STOML3: variants seen among roughly 807,000 people sequenced by gnomAD.
STOML3 encodes stomatin like 3.
A neutral mutation model predicts 29.5 loss-of-function variants in STOML3; 31 were observed. The observed-to-expected ratio is 1.05, with a 90% CI of 0.79 to 1.42. The LOEUF (loss-of-function observed/expected upper bound fraction) is 1.42, where lower values mean the gene tolerates loss of function less well. Among genes scored for constraint, STOML3 ranks in the 40% most tolerant of loss-of-function variants. The pLI is 0.00. For missense variants in STOML3, 380 were observed against 363.0 expected (o/e 1.05, Z -0.38); for synonymous variants, 122 against 139.8 (o/e 0.87, Z 0.90).
At chr13:38,972,007 C>T (rs1421791074) in intron 4 of STOML3, among the ~76,000 whole-genome samples, 1 of 152,178 alleles carries the variant, frequency 6.6e-6, no homozygotes, top group Non-Finnish European at 1.5e-5. Flanking sequence ...CTCCTCTGTC[C>T]TTATGCCTGC....
At chr13:38,987,401 G>C (rs1868624222) in intron 1 of STOML3, among the ~76,000 whole-genome samples, 1 of 152,016 alleles carries the variant, frequency 6.6e-6, no homozygotes, top group South Asian at 2.1e-4. Flanking sequence ...GCGCATGCCT[G>C]TAGTCCCAGC....
In STOML3 at chr13:38,976,786, T is replaced by C. The variant is rs770065486; in HGVS notation, c.64A>G (p.Lys22Glu). The change falls in exon 2 of 7, where the codon AAA (lysine) becomes GAA (glutamate). Residue 22 changes from lysine to glutamate, a missense_variant. Coordinates refer to ENST00000379631, the MANE Select transcript of STOML3 (RefSeq NM_145286.3). ...ATCCAGCCACATACACCAAGCCGTTTATTGTTGACACCTAGGAAATGAGAA... is the reference window on the plus strand; with the variant it reads ...ATCCAGCCACATACACCAAGCCGTTCATTGTTGACACCTAGGAAATGAGAA... ...DKENFVGVNN[K>E]RLGVCGWILF... 1 of 1,613,592 alleles carries C rather than the reference T, an allele frequency of 6.2e-7. No individual in the cohort carries two copies. Among genetic ancestry groups the C allele is most frequent in the South Asian group, 1.1e-5 (1 of 90,966 alleles).
At chr13:38,988,161 A>T (rs1299520289) in intron 1 of STOML3, among the ~76,000 whole-genome samples, 1 of 96,096 alleles carries the variant, frequency 1.0e-5, no homozygotes, top group Non-Finnish European at 1.8e-5. Flanking sequence ...CATATATTTT[A>T]TATATAATAT....
intron 3 of STOML3, among the ~76,000 whole-genome samples, chr13:38,973,963 A>G (rs537283654): frequency 6.6e-6 from 1 of 152,260 alleles, no homozygotes; most frequent in East Asian, 1.9e-4. Context: ...CATTCCTCTA[A>G]ATCAATGTAT....
chr13:38,988,604 TATCA>T, intron 1 of STOML3, among the ~76,000 whole-genome samples: 1 of 131,936 alleles, frequency 7.6e-6, no homozygotes, highest in Admixed American at 8.8e-5. Flanking sequence ...ATATATTATA[TATCA>T]TATATTTTAT....
chr13:38,969,127 T>C (rs1880770413), intron 5 of STOML3, among the ~76,000 whole-genome samples: 1 of 152,204 alleles, frequency 6.6e-6, no homozygotes, highest in Non-Finnish European at 1.5e-5. Context: ...TCTCGCTCTG[T>C]TTAACTTCTG....
chr13:38,988,594 A>ATATAT (rs1368943345), intron 1 of STOML3, among the ~76,000 whole-genome samples: 1 of 100,756 alleles, frequency 9.9e-6, no homozygotes, highest in Admixed American at 1.2e-4. Flanking sequence ...TTTATATATA[A>ATATAT]TATATTATAT....
In STOML3 at chr13:38,990,761, G is replaced by C. The variant is rs1036915174; in HGVS notation, c.-40C>G. 1.2e-6 allele frequency: 2 copies of C among 1,604,306 alleles called. No homozygotes were observed. Among genetic ancestry groups the C allele is most frequent in the Non-Finnish European group, 8.5e-7 (1 of 1,171,856 alleles). On this transcript the variant is annotated 5_prime_UTR_variant, in exon 1 of 7. Transcript: ENST00000379631. ...GCTTTTATACTTGGCAATTTTTCAT[G>C]GGTTTGGAGCTAAGTGTGAAGAACA...
chr13:38,975,462 C>T (rs553619028), intron 3 of STOML3, among the ~76,000 whole-genome samples: 16 of 152,128 alleles, frequency 1.1e-4, no homozygotes, highest in Admixed American at 3.9e-4. Flanking sequence ...CATAGAGCAT[C>T]GTGGTGCTCA....
At chr13:38,968,379 T>C (rs773970928) in intron 6 of STOML3, 21 bp downstream of exon 6, 5 of 1,613,512 alleles carry the variant, frequency 3.1e-6, no homozygotes, top group Middle Eastern at 1.6e-4. Flanking sequence ...TCCCTCCATG[T>C]GTGAACTGCA....
intron 3 of STOML3, among the ~76,000 whole-genome samples, chr13:38,973,090 C>A: frequency 9.1e-6 from 1 of 110,422 alleles, no homozygotes. Context: ...GAAGCCCCGT[C>A]TCTACTAAAA....
At chr13:38,981,592 TATC>T (rs1555282081) in intron 1 of STOML3, among the ~76,000 whole-genome samples, 1 of 152,162 alleles carries the variant, frequency 6.6e-6, no homozygotes, top group Non-Finnish European at 1.5e-5. Flanking sequence ...AAATCTGTGT[TATC>T]ATAAATAGTC....
chr13:38,988,257 TTATATCATATATTA>T (rs1272772103), intron 1 of STOML3, among the ~76,000 whole-genome samples: 3 of 87,366 alleles, frequency 3.4e-5, no homozygotes, highest in African/African-American at 1.1e-4. Flanking sequence ...ATATTATATT[TTATATCATATATTA>T]TATATAAAAT....
intron 3 of STOML3, among the ~76,000 whole-genome samples, chr13:38,974,490 C>A (rs527777068): frequency 2.0e-5 from 3 of 152,102 alleles, no homozygotes; most frequent in Non-Finnish European, 4.4e-5. Context: ...GGAAAACTCA[C>A]CTAACACTTC....
In STOML3 at chr13:38,967,013, A is replaced by C. The variant is rs1880680709; in HGVS notation, c.688T>G (p.Ser230Ala). ...AGCACCATGGAGGCTGACTTCAGGG[A>C]TTTGGAAGCATTCATTTCTCCTTCA... Reference protein sequence around the residue: ...AAEGEMNASKSLKSASMVLAE... With the variant: ...AAEGEMNASKALKSASMVLAE... The change falls in exon 7 of 7, where the codon TCC becomes GCC. Residue 230 changes from serine (S) to alanine (A), a missense_variant. By Grantham distance (99) the Ser-to-Ala change is moderately conservative. Coordinates refer to ENST00000379631, the MANE Select transcript of STOML3 (RefSeq NM_145286.3). The C allele has an allele frequency of 1.2e-6, 2 of 1,613,916 alleles. No individual in the cohort carries two copies. Among genetic ancestry groups the C allele is most frequent in the Non-Finnish European group, 1.7e-6 (2 of 1,179,992 alleles).
intron 1 of STOML3, among the ~76,000 whole-genome samples, chr13:38,986,280 C>T (rs1475586752): frequency 1.3e-5 from 2 of 152,098 alleles, no homozygotes; most frequent in East Asian, 3.9e-4. Flanking sequence ...GGTGATCCAC[C>T]TGCCTCGGCC....
intron 3 of STOML3, among the ~76,000 whole-genome samples, chr13:38,972,928 T>C (rs1204614669): frequency 2.6e-5 from 4 of 151,850 alleles, no homozygotes. Flanking sequence ...AAAGCATCTT[T>C]GGGACAAGTG....
intron 1 of STOML3, among the ~76,000 whole-genome samples, chr13:38,985,682 T>C (rs67948555): frequency 0.28 from 42,292 of 151,600 alleles, 7,420 homozygotes; most frequent in African/African-American, 0.5. Context: ...ATTAAGCAAA[T>C]TATGATATAT....
intron 1 of STOML3, among the ~76,000 whole-genome samples, chr13:38,988,875 A>G (rs1868864270): frequency 1.4e-5 from 2 of 142,968 alleles, no homozygotes; most frequent in South Asian, 2.1e-4. Flanking sequence ...ATTATATAAT[A>G]TATATTATTA....
Sources: gnomAD v4.1 joint callset for allele counts (sites outside exome capture counted in the v4.1 genomes callset) on GRCh38, gnomAD v4.1.1 for gene constraint, MANE v1.5 for transcripts, NCBI Gene and HGNC (gene_info 2026-07-23, HGNC 2026-07-21) for gene names.